C8orf34: variants seen among roughly 807,000 people sequenced by gnomAD.
The protein encoded by C8orf34 is uncharacterized protein C8orf34.
In C8orf34, 65 loss-of-function variants were observed where a neutral mutation model predicts 68.3. That is an observed-to-expected ratio of 0.95 (90% confidence interval 0.78 to 1.17). The LOEUF (loss-of-function observed/expected upper bound fraction) is 1.17, where lower values mean the gene tolerates loss of function less well. C8orf34 is among the 50% of genes most tolerant of loss of function. C8orf34 has a pLI of 0.00. For missense variants in C8orf34, 664 were observed against 655.4 expected, an observed-to-expected ratio of 1.01 and a Z score of -0.14; for synonymous variants, 244 against 241.2, an observed-to-expected ratio of 1.01 and a Z score of -0.11.
chr8:68,331,089 C>A lies in C8orf34; in HGVS notation c.77C>A (p.Ala26Glu). 1 of 1,490,286 alleles carries A rather than the reference C, an allele frequency of 6.7e-7. No homozygotes were observed. Among genetic ancestry groups the A allele is most frequent in the Non-Finnish European group, 8.8e-7 (1 of 1,130,278 alleles). 92.3% of individuals were successfully genotyped at this position (1,490,286 alleles called of 1,614,324 possible). A position where few individuals can be genotyped will look rare whatever the true frequency, so the allele number is the denominator to read the frequency against. The part of the protein sequence containing the change: ...RPGFRLSAPH[A>E]RVAPRAATHA... ...GGCTTCCGGCTCTCAGCGCCCCACG[C>A]GCGCGTGGCTCCCCGGGCTGCCACC... The change falls in exon 1 of 14, where the codon GCG becomes GAG. Residue 26 changes from alanine (A) to glutamate (E), a missense_variant. Physicochemically the swap from Ala to Glu is moderately radical, Grantham distance 107. Transcript: ENST00000518698.
intron 2 of C8orf34, 91 bp downstream of exon 2, chr8:68,439,737 T>A: frequency 7.8e-7 from 1 of 1,275,082 alleles, no homozygotes; most frequent in Non-Finnish European, 1.1e-6. Flanking sequence ...TAAATCTAGA[T>A]AGATAGTTAC....
intron 10 of C8orf34, among the ~76,000 whole-genome samples, chr8:68,736,899 A>T (rs1266808950): frequency 6.6e-6 from 1 of 152,066 alleles, no homozygotes; most frequent in African/African-American, 2.4e-5. Context: ...TATTAGGCTG[A>T]GGTTATTGGG....
intron 8 of C8orf34, among the ~76,000 whole-genome samples, chr8:68,652,538 A>C: frequency 6.6e-6 from 1 of 152,072 alleles, no homozygotes; most frequent in East Asian, 1.9e-4. Context: ...AGTTTTGTAA[A>C]TTTACCACTT....
At chr8:68,396,808 C>T (rs1391621204) in intron 1 of C8orf34, among the ~76,000 whole-genome samples, 1 of 150,810 alleles carries the variant, frequency 6.6e-6, no homozygotes, top group Non-Finnish European at 1.5e-5. Flanking sequence ...GCCAGCTCCC[C>T]TTCACCTTCT....
intron 7 of C8orf34, among the ~76,000 whole-genome samples, chr8:68,584,290 G>A (rs772516872): frequency 6.6e-6 from 1 of 151,812 alleles, no homozygotes; most frequent in South Asian, 2.1e-4. Context: ...TCCTGATAGC[G>A]TTCTCTGAGA....
At chr8:68,814,813 G>A (rs1824760275) in intron 12 of C8orf34, among the ~76,000 whole-genome samples, 1 of 152,184 alleles carries the variant, frequency 6.6e-6, no homozygotes, top group African/African-American at 2.4e-5. Context: ...TCGAGTTGAA[G>A]TAGCACTTAA....
chr8:68,331,058 C>T lies in C8orf34; in HGVS notation c.46C>T (p.Arg16Cys). 1 of 1,481,252 alleles carries T rather than the reference C, an allele frequency of 6.8e-7. No homozygotes were observed. Among genetic ancestry groups the T allele is most frequent in the Non-Finnish European group, 8.9e-7 (1 of 1,127,378 alleles). The allele number at this position is 1,481,252 out of a possible 1,614,324, so 91.8% of individuals were successfully genotyped here. A position where few individuals can be genotyped will look rare whatever the true frequency, so the allele number is the denominator to read the frequency against. Residue 16 changes from arginine to cysteine, a missense_variant, in exon 1 of 14, where the codon CGC becomes TGC. By Grantham distance (180) the Arg-to-Cys change is radical (BLOSUM62 -3). Transcript: ENST00000518698. ...GGAGTTGTCTGAGTTGGCGGCGCTG[C>T]GCCCAGGCTTCCGGCTCTCAGCGCC... The part of the protein sequence containing the change: ...ASELSELAAL[R>C]PGFRLSAPHA...
At chr8:68,635,549 A>T (rs1818814358) in intron 7 of C8orf34, among the ~76,000 whole-genome samples, 1 of 152,232 alleles carries the variant, frequency 6.6e-6, no homozygotes, top group Admixed American at 6.5e-5. Flanking sequence ...CATAATCAAC[A>T]TATTCTTTTT....
rs77548759 is a variant in C8orf34, at chr8:68,679,115, G to A, written c.1242-29879G>A. 7.7e-3 allele frequency among the ~76,000 whole-genome samples: 1,172 copies of A among 151,736 alleles called. 44 individuals are homozygous for A. Among genetic ancestry groups the A allele is most frequent in the East Asian group, 0.055 (284 of 5,122 alleles). ...GGAGATCGAAACACAGTGAAACCCT[G>A]TCTCTACTAAAAATACAAAAAATTA... On this transcript the variant is annotated intron_variant, in intron 8 of 13. Coordinates refer to ENST00000518698, the MANE Select transcript of C8orf34 (RefSeq NM_052958.4).
intron 7 of C8orf34, among the ~76,000 whole-genome samples, chr8:68,538,264 C>T (rs895447067): frequency 6.6e-6 from 1 of 152,052 alleles, no homozygotes; most frequent in African/African-American, 2.4e-5. Flanking sequence ...GTGTGATTGG[C>T]ATATGTGGTG....
chr8:68,789,785 A>G (rs181190278), intron 12 of C8orf34, among the ~76,000 whole-genome samples: 1 of 152,300 alleles, frequency 6.6e-6, no homozygotes, highest in Admixed American at 6.5e-5. Context: ...CAAAATAACT[A>G]TTATAACTAT....
chr8:68,601,515 C>G (rs77987482), intron 7 of C8orf34, among the ~76,000 whole-genome samples: 1 of 151,998 alleles, frequency 6.6e-6, no homozygotes, highest in African/African-American at 2.4e-5. Flanking sequence ...TTGAATCCAT[C>G]CTGTAAGTTT....
At chr8:68,789,799 T>G (rs1823942099) in intron 12 of C8orf34, among the ~76,000 whole-genome samples, 1 of 152,208 alleles carries the variant, frequency 6.6e-6, no homozygotes, top group Non-Finnish European at 1.5e-5. Context: ...TAACTATGAA[T>G]AACTGTTATA....
At chr8:68,515,702 G>T (rs924690701) in intron 5 of C8orf34, among the ~76,000 whole-genome samples, 3 of 152,108 alleles carry the variant, frequency 2.0e-5, no homozygotes, top group Admixed American at 6.5e-5. Flanking sequence ...AGATGCAGAT[G>T]GTTCCAGGTT....
intron 5 of C8orf34, among the ~76,000 whole-genome samples, chr8:68,508,390 C>T (rs889526374): frequency 1.3e-5 from 2 of 152,140 alleles, no homozygotes; most frequent in Non-Finnish European, 2.9e-5. Flanking sequence ...TTATAGCCTC[C>T]CTTGCAACTA....
At chr8:68,421,268 G>T (rs368806000) in intron 1 of C8orf34, among the ~76,000 whole-genome samples, 6 of 152,182 alleles carry the variant, frequency 3.9e-5, no homozygotes, top group Non-Finnish European at 8.8e-5. Flanking sequence ...CTAGAAAGAA[G>T]AAGGTAGACT....
intron 7 of C8orf34, among the ~76,000 whole-genome samples, chr8:68,639,014 G>C (rs150268824): frequency 2.0e-5 from 3 of 152,230 alleles, no homozygotes; most frequent in Non-Finnish European, 4.4e-5. Flanking sequence ...GTGGTGAACA[G>C]TAATGTGAGA....
At chr8:68,721,790 G>C (rs561350930) in intron 10 of C8orf34, among the ~76,000 whole-genome samples, 5 of 152,044 alleles carry the variant, frequency 3.3e-5, no homozygotes, top group African/African-American at 1.2e-4. Context: ...TAATATGTTT[G>C]TTAAACTATA....
intron 8 of C8orf34, among the ~76,000 whole-genome samples, chr8:68,674,724 T>G (rs1297031502): frequency 1.3e-5 from 2 of 152,070 alleles, no homozygotes; most frequent in Non-Finnish European, 2.9e-5. Context: ...AGAAAGTTTA[T>G]TCAAAGGGAT....
Sources: allele counts gnomAD v4.1 joint callset (sites outside exome capture counted in the v4.1 genomes callset), GRCh38; gene constraint gnomAD v4.1.1; transcripts MANE v1.5; gene names NCBI Gene and HGNC (gene_info 2026-07-23, HGNC 2026-07-21).